The following DPP6 variants were observed in gnomAD, a reference collection of about 807,000 sequenced individuals.
DPP6 encodes the protein A-type potassium channel modulatory protein DPP6.
In DPP6, 69 loss-of-function variants were observed where a neutral mutation model predicts 122.6. The observed-to-expected ratio is 0.56, with a 90% CI of 0.46 to 0.69. The LOEUF (loss-of-function observed/expected upper bound fraction) is 0.69, where lower values mean the gene tolerates loss of function less well. DPP6 is among the 30% of genes least tolerant of loss of function. The pLI, the probability that DPP6 is intolerant of heterozygous loss-of-function variation, is 0.00. For missense variants in DPP6, 928 were observed against 1,116.9 expected (o/e 0.83, Z 2.41); for synonymous variants, 418 against 433.1 (o/e 0.97, Z 0.43).
chr7:154,456,039 G>A (rs1307004200), intron 2 of DPP6, among the ~76,000 whole-genome samples: 1 of 152,116 alleles, frequency 6.6e-6, no homozygotes, highest in Non-Finnish European at 1.5e-5. Flanking sequence ...AGAACCAAAG[G>A]CAGCAATTCA....
At chr7:154,802,389 C>T (rs928850193) in intron 13 of DPP6, among the ~76,000 whole-genome samples, 5 of 105,318 alleles carry the variant, frequency 4.7e-5, no homozygotes, top group African/African-American at 1.4e-4. Context: ...GTGGGGGCTG[C>T]GGGACTCCTG....
chr7:154,853,940 C>A, intron 17 of DPP6, 113 bp downstream of exon 17: 1 of 1,397,168 alleles, frequency 7.2e-7, no homozygotes, highest in Non-Finnish European at 9.9e-7. Context: ...AGGGATGAGT[C>A]ATGTCCTAGC....
At chr7:154,383,030 A>G (rs1043453114) in intron 1 of DPP6, among the ~76,000 whole-genome samples, 1 of 152,100 alleles carries the variant, frequency 6.6e-6, no homozygotes, top group Non-Finnish European at 1.5e-5. Context: ...CCTGGCCAAT[A>G]TTCCTTTTAA....
chr7:154,781,613 A>T (rs531734959), intron 10 of DPP6, among the ~76,000 whole-genome samples: 1 of 152,330 alleles, frequency 6.6e-6, no homozygotes, highest in African/African-American at 2.4e-5. Context: ...GTGGAACTGT[A>T]CACTTTAGTA....
In DPP6 at chr7:154,637,851, G is replaced by A; in HGVS notation, c.658G>A (p.Val220Ile). Residue 220 changes from valine to isoleucine, a missense_variant, in exon 6 of 26, where the codon GTC becomes ATC. Val to Ile is a conservative substitution (Grantham distance 29, BLOSUM62 3). Transcript: ENST00000377770. ...TCAACACTCGTATACTGGATATTAC[G>A]TCCTGAGCAAAATTCCTCATGGGTA... is the stretch of plus-strand genomic sequence containing the variant. ...IYQHSYTGYY[V>I]LSKIPHGDPQ... 7 of 1,578,370 alleles carry A rather than the reference G, an allele frequency of 4.4e-6. No homozygotes were observed. The highest frequency in any genetic ancestry group is 1.8e-5 in the Admixed American group (1 of 54,602).
intron 1 of DPP6, among the ~76,000 whole-genome samples, chr7:153,960,647 G>A (rs1795303306): frequency 8.2e-6 from 1 of 122,454 alleles, no homozygotes; most frequent in African/African-American, 2.8e-5. Flanking sequence ...GTGCACGTGT[G>A]TGTGTGCATG....
intron 1 of DPP6, among the ~76,000 whole-genome samples, chr7:154,318,102 T>A (rs920586565): frequency 7.9e-5 from 12 of 152,220 alleles, no homozygotes; most frequent in African/African-American, 2.9e-4. Flanking sequence ...GAATTCCTAA[T>A]TACACTGGAG....
At chr7:154,615,003 C>T (rs902160216) in intron 5 of DPP6, among the ~76,000 whole-genome samples, 11 of 152,284 alleles carry the variant, frequency 7.2e-5, no homozygotes, top group Middle Eastern at 3.4e-3. Flanking sequence ...CTACGTTGGG[C>T]GCTGTGGTCA....
intron 1 of DPP6, among the ~76,000 whole-genome samples, chr7:154,073,353 A>G (rs570700888): frequency 3.7e-4 from 56 of 152,100 alleles, no homozygotes; most frequent in African/African-American, 1.3e-3. Context: ...TCTTCTCTAA[A>G]TCTGTGCTCT....
the DPP6 span, among the ~76,000 whole-genome samples, chr7:153,827,936 C>CTACTA: frequency 6.6e-6 from 1 of 152,176 alleles, no homozygotes; most frequent in African/African-American, 2.4e-5. Context: ...CTAGTAGAGT[C>CTACTA]GGGATGGTCA....
At chr7:153,991,410 T>C (rs1203901379) in intron 1 of DPP6, among the ~76,000 whole-genome samples, 1 of 152,216 alleles carries the variant, frequency 6.6e-6, no homozygotes, top group Non-Finnish European at 1.5e-5. Context: ...AAAATAAATA[T>C]TCATGCAAAG....
the DPP6 span, among the ~76,000 whole-genome samples, chr7:153,831,797 A>T: frequency 6.6e-6 from 1 of 152,182 alleles, no homozygotes; most frequent in African/African-American, 2.4e-5. Context: ...TTGTTTGCAG[A>T]CCTCGGGCCA....
rs375123720 is a variant in DPP6, at chr7:154,080,426, T to C, written c.243+27363T>C. Among the ~76,000 whole-genome samples the C allele has an allele frequency of 3.5e-3, 527 of 152,314 alleles. 4 individuals are homozygous for C. The highest frequency in any genetic ancestry group is 0.012 in the African/African-American group (505 of 41,580). The stretch of plus-strand genomic sequence containing the variant: ...AATTCTACTTTATTTACTTCTCTTA[T>C]GTAAGAATGTTTAACTCACCATGGA... On this transcript the variant is annotated intron_variant, in intron 1 of 25. Coordinates refer to ENST00000377770, the MANE Select transcript of DPP6 (RefSeq NM_130797.4).
chr7:154,184,835 A>C (rs1408275629), intron 1 of DPP6, among the ~76,000 whole-genome samples: 1 of 152,160 alleles, frequency 6.6e-6, no homozygotes, highest in African/African-American at 2.4e-5. Context: ...CAGCAGAAGC[A>C]ATCAGCAGCC....
intron 1 of DPP6, among the ~76,000 whole-genome samples, chr7:153,967,286 C>A (rs1245668562): frequency 1.3e-5 from 2 of 151,974 alleles, no homozygotes; most frequent in Non-Finnish European, 2.9e-5. Context: ...ATGCATTTTC[C>A]CATCCCTGAT....
intron 1 of DPP6, among the ~76,000 whole-genome samples, chr7:154,408,378 G>T (rs937686057): frequency 2.6e-5 from 4 of 151,748 alleles, no homozygotes; most frequent in African/African-American, 7.3e-5. Flanking sequence ...TAGAAAAGTG[G>T]GTTCATTCTT....
At chr7:154,118,087 A>G (rs1231340653) in intron 1 of DPP6, among the ~76,000 whole-genome samples, 1 of 149,224 alleles carries the variant, frequency 6.7e-6, no homozygotes, top group Non-Finnish European at 1.5e-5. Context: ...TGTTGTGTGG[A>G]AGCTGAGGGA....
intron 18 of DPP6, among the ~76,000 whole-genome samples, chr7:154,870,177 G>T (rs1234436913): frequency 7.0e-6 from 1 of 141,936 alleles, no homozygotes; most frequent in African/African-American, 2.7e-5. Flanking sequence ...TAGAGACAGG[G>T]TCTCACTATG....
At chr7:154,139,627 T>C (rs1471979187) in intron 1 of DPP6, among the ~76,000 whole-genome samples, 2 of 151,712 alleles carry the variant, frequency 1.3e-5, no homozygotes, top group Admixed American at 6.6e-5. Flanking sequence ...GAGTGTCTGC[T>C]TCCTGTGCGG....
Sources: allele counts gnomAD v4.1 joint callset (sites outside exome capture counted in the v4.1 genomes callset), GRCh38; gene constraint gnomAD v4.1.1; transcripts MANE v1.5; gene names NCBI Gene and HGNC (gene_info 2026-07-23, HGNC 2026-07-21).